ABCB1: variants seen among roughly 807,000 people sequenced by gnomAD.
ABCB1 encodes ATP binding cassette subfamily B member 1, also known as ATP-dependent translocase ABCB1.
Under a neutral mutation model 142.0 loss-of-function variants are expected in ABCB1, and 69 were observed. The observed-to-expected ratio is 0.49, with a 90% CI of 0.40 to 0.59. The LOEUF is 0.59. ABCB1 is among the 20% of genes least tolerant of loss of function. The pLI is 0.00. For missense variants in ABCB1, 1,326 were observed against 1,554.7 expected (o/e 0.85, Z 2.47); for synonymous variants, 532 against 539.2 (o/e 0.99, Z 0.18).
intron 19 of ABCB1, among the ~76,000 whole-genome samples, 193 bp from the exon 20 acceptor site, chr7:87,536,734 T>G (rs1816312049): frequency 6.6e-6 from 1 of 152,054 alleles, no homozygotes; most frequent in South Asian, 2.1e-4. Context: ...GTCAGAAAAA[T>G]TTCTGAGTGC....
chr7:87,627,630 T>A (rs1820744947), intron 1 of ABCB1: 1 of 152,190 alleles, frequency 6.6e-6, no homozygotes, highest in South Asian at 2.1e-4. Context: ...AGTGAGAAGC[T>A]CTAGGAAGGG....
intron 27 of ABCB1, among the ~76,000 whole-genome samples, chr7:87,504,773 C>A (rs1430721529): frequency 1.3e-5 from 2 of 150,980 alleles, no homozygotes; most frequent in East Asian, 3.9e-4. Flanking sequence ...CCACTGCACT[C>A]CAGCCTGGGC....
intron 1 of ABCB1, among the ~76,000 whole-genome samples, chr7:87,686,882 G>A (rs1827515789): frequency 6.6e-6 from 1 of 150,976 alleles, no homozygotes; most frequent in Admixed American, 6.6e-5. Flanking sequence ...GGAGACCAAG[G>A]CTGCAGTGAG....
chr7:87,637,356 A>G (rs1198029176), intron 1 of ABCB1, among the ~76,000 whole-genome samples: 1 of 152,234 alleles, frequency 6.6e-6, no homozygotes, highest in African/African-American at 2.4e-5. Flanking sequence ...GTGTGGTAAT[A>G]TAAGTTATCT....
chr7:87,645,474 G>A (rs1328056770), intron 1 of ABCB1, among the ~76,000 whole-genome samples: 1 of 152,024 alleles, frequency 6.6e-6, no homozygotes, highest in Non-Finnish European at 1.5e-5. Flanking sequence ...TTCAAAAACT[G>A]CATTTCAAAA....
intron 1 of ABCB1, among the ~76,000 whole-genome samples, chr7:87,687,566 G>T (rs1827594152): frequency 6.6e-6 from 1 of 152,042 alleles, no homozygotes; most frequent in African/African-American, 2.4e-5. Flanking sequence ...CATCTGTTTT[G>T]TTCATTGGTG....
rs897852307 is a variant in ABCB1 at position 87,544,376 on chromosome 7, T to C, written c.2065-101A>G. The C allele has an allele frequency of 6.0e-6, 7 of 1,173,332 alleles. No individual in the cohort carries two copies. In the African/African-American group the frequency reaches 9.2e-5, roughly 15 times the overall value. 72.7% of individuals were successfully genotyped at this position (1,173,332 alleles called of 1,614,324 possible). On this transcript the variant is annotated intron_variant, in intron 16 of 27. Transcript: ENST00000622132. Reference sequence around the variant, plus strand: ...AGTAAAGGAATATATCCTATCCTTATTCCTTATCAATGAATAAGTGATGAC... The same window carrying C: ...AGTAAAGGAATATATCCTATCCTTACTCCTTATCAATGAATAAGTGATGAC...
Position 87,550,730 on chromosome 7 carries a change from C to A in ABCB1, c.1108G>T (p.Asp370Tyr). The A allele has an allele frequency of 6.2e-7, 1 of 1,609,780 alleles. No individual in the cohort carries two copies. The highest frequency in any genetic ancestry group is 8.5e-7 in the Non-Finnish European group (1 of 1,176,094). ...GAAYEIFKIIDNKPSIDSYSK... is the reference protein window; with the variant it reads ...GAAYEIFKIIYNKPSIDSYSK... ...GATGGCCAACTCAGACTTACATTAT[C>A]AATTATCTTGAAGATTTCATAAGCT... Residue 370 changes from aspartate (D) to tyrosine (Y), a missense_variant, in exon 10 of 28, where the codon GAT becomes TAT. By Grantham distance (160) the Asp-to-Tyr change is radical. Coordinates refer to ENST00000622132, the MANE Select transcript of ABCB1 (RefSeq NM_001348946.2).
intron 1 of ABCB1, among the ~76,000 whole-genome samples, chr7:87,636,660 C>G (rs1821806147): frequency 6.6e-6 from 1 of 152,072 alleles, no homozygotes; most frequent in African/African-American, 2.4e-5. Flanking sequence ...CTTTTTTCTT[C>G]TAAAGCTTTA....
intron 1 of ABCB1, among the ~76,000 whole-genome samples, chr7:87,673,620 A>G (rs1563122505): frequency 6.6e-6 from 1 of 152,170 alleles, no homozygotes; most frequent in Non-Finnish European, 1.5e-5. Flanking sequence ...TCCGTTTGTC[A>G]TATTCCTTAG....
At chr7:87,634,186 A>G (rs922216274) in intron 1 of ABCB1, among the ~76,000 whole-genome samples, 19 of 152,188 alleles carry the variant, frequency 1.2e-4, no homozygotes, top group Admixed American at 1.2e-3. Context: ...CCATTCATGA[A>G]GTATCCACCC....
chr7:87,561,202 T>C, intron 8 of ABCB1, 61 bp downstream of exon 8: 2 of 1,594,902 alleles, frequency 1.3e-6, no homozygotes, highest in Non-Finnish European at 1.7e-6. Flanking sequence ...ACTGTCAATC[T>C]GAAGGGCATT....
intron 1 of ABCB1, among the ~76,000 whole-genome samples, chr7:87,654,597 A>G (rs1303395767): frequency 6.6e-6 from 1 of 152,058 alleles, no homozygotes; most frequent in Non-Finnish European, 1.5e-5. Flanking sequence ...TAAATGTAAG[A>G]TCTATCTACT....
chr7:87,511,405 A>G (rs900443105), intron 25 of ABCB1, among the ~76,000 whole-genome samples: 1 of 152,220 alleles, frequency 6.6e-6, no homozygotes, highest in Non-Finnish European at 1.5e-5. Context: ...GGCTATCTCT[A>G]TTGTAGACTG....
At chr7:87,609,973 C>T (rs1819791728) in intron 1 of ABCB1, among the ~76,000 whole-genome samples, 1 of 152,106 alleles carries the variant, frequency 6.6e-6, no homozygotes, top group Non-Finnish European at 1.5e-5. Context: ...GGTAATGAGG[C>T]TAACGGTAGT....
At chr7:87,568,266 T>TAATAATAATAATAAAAA (rs377151956) in intron 5 of ABCB1, among the ~76,000 whole-genome samples, 6 of 145,644 alleles carry the variant, frequency 4.1e-5, no homozygotes, top group African/African-American at 1.3e-4. Flanking sequence ...ATAATAATAA[T>TAATAATAATAATAAAAA]AAAAATTAGC....
Position 87,550,299 on chromosome 7 carries a change from A to G in ABCB1, c.1225-3T>C, listed in dbSNP as rs1442912184. The G allele has an allele frequency of 6.2e-6, 10 of 1,614,036 alleles. No individual in the cohort carries two copies. The highest frequency in any genetic ancestry group is 7.6e-6 in the Non-Finnish European group (9 of 1,180,028). ...TTCAGGTTCAGACCCTTCAAGATCT[A>G]CCAGGACGAGTGAGAAAAAAACTTC... is the stretch of plus-strand genomic sequence containing the variant. On this transcript the variant is annotated splice_polypyrimidine_tract_variant and splice_region_variant and intron_variant, in intron 11 of 27. Coordinates refer to ENST00000622132, the MANE Select transcript of ABCB1 (RefSeq NM_001348946.2).
intron 4 of ABCB1, among the ~76,000 whole-genome samples, chr7:87,584,091 T>A (rs926421742): frequency 4.6e-5 from 7 of 152,304 alleles, no homozygotes; most frequent in African/African-American, 1.7e-4. Flanking sequence ...TGAAAGGATG[T>A]AATAAAGCAT....
At chr7:87,507,429 G>A (rs1309501687) in intron 26 of ABCB1, among the ~76,000 whole-genome samples, 1 of 152,162 alleles carries the variant, frequency 6.6e-6, no homozygotes, top group East Asian at 1.9e-4. Context: ...AGGTTCCCAG[G>A]TGATGCTGAT....
Sources: allele counts gnomAD v4.1 joint callset (sites outside exome capture counted in the v4.1 genomes callset), GRCh38; gene constraint gnomAD v4.1.1; transcripts MANE v1.5; gene names NCBI Gene and HGNC (gene_info 2026-07-23, HGNC 2026-07-21).